The following CARNMT1 variants were observed in gnomAD, a reference collection of about 807,000 sequenced individuals.
The protein encoded by CARNMT1 is carnosine N-methyltransferase 1.
A neutral mutation model predicts 49.6 loss-of-function variants in CARNMT1; 28 were observed. That is an observed-to-expected ratio of 0.56 (90% CI 0.42 to 0.77). The LOEUF is 0.77. CARNMT1 is among the 30% of genes least tolerant of loss of function. The pLI, the probability that CARNMT1 is intolerant of heterozygous loss-of-function variation, is 0.00. For synonymous variants in CARNMT1, 178 were observed against 175.0 expected (o/e 1.02, Z -0.13); for missense variants, 421 against 512.6 (o/e 0.82, Z 1.73).
At chr9:75,026,609 CA>C (rs1822536478) in intron 1 of CARNMT1, among the ~76,000 whole-genome samples, 2 of 152,160 alleles carry the variant, frequency 1.3e-5, no homozygotes, top group African/African-American at 4.8e-5. Flanking sequence ...ATAAAATATC[CA>C]AACTTCTCTT....
At chr9:75,020,459 G>T (rs1481537242) in intron 1 of CARNMT1, among the ~76,000 whole-genome samples, 1 of 151,446 alleles carries the variant, frequency 6.6e-6, no homozygotes, top group Non-Finnish European at 1.5e-5. Flanking sequence ...GTAGAGACGG[G>T]GTTTCACCAT....
intron 3 of CARNMT1, among the ~76,000 whole-genome samples, chr9:75,008,168 TAAAAAAAAAAA>T (rs71368697): frequency 8.2e-5 from 4 of 48,714 alleles, no homozygotes; most frequent in African/African-American, 4.0e-4. Flanking sequence ...GCTGATGAGC[TAAAAAAAAAAA>T]AAAAAAAAAA....
At chr9:75,022,016 A>G (rs575684386) in intron 1 of CARNMT1, among the ~76,000 whole-genome samples, 11 of 152,150 alleles carry the variant, frequency 7.2e-5, no homozygotes, top group African/African-American at 2.2e-4. Context: ...ATAATTGTCT[A>G]TATTTGTGGG....
Position 75,017,437 on chromosome 9 carries a change from T to C in CARNMT1, c.242A>G (p.His81Arg), listed in dbSNP as rs760106785. 15 of 1,613,112 alleles carry C rather than the reference T, an allele frequency of 9.3e-6. No homozygotes were observed. Among genetic ancestry groups the C allele is most frequent in the East Asian group, 4.5e-5 (2 of 44,856 alleles). ...TCTTTCTGTTCGGTTCACCCGCTCA[T>C]GCATACTGGTGCTAAAACATAAAAG... is the stretch of plus-strand genomic sequence containing the variant. ...NAFRYYGTSM[H>R]ERVNRTERQF... The change falls in exon 2 of 8, where the codon CAT (histidine) becomes CGT (arginine). Residue 81 changes from histidine (H) to arginine (R), a missense_variant. Physicochemically the swap from His to Arg is conservative, Grantham distance 29. This residue lies in a region of CARNMT1 where 186 missense variants were observed against 167.9 expected (regional missense o/e 1.11). Coordinates refer to ENST00000376834, the MANE Select transcript of CARNMT1 (RefSeq NM_152420.3).
intron 3 of CARNMT1, among the ~76,000 whole-genome samples, chr9:75,009,060 CTTTTTTTTTTTT>C (rs752851220): frequency 8.0e-6 from 1 of 125,516 alleles, no homozygotes; most frequent in African/African-American, 3.0e-5. Flanking sequence ...AAAGGACAGT[CTTTTTTTTTTTT>C]TTTTTTTTTA....
rs981273214 is a variant in CARNMT1, at chr9:75,024,037, C to T, written c.230+3975G>A. 5.3e-5 allele frequency among the ~76,000 whole-genome samples: 8 copies of T among 152,294 alleles called. No homozygotes were observed. The South Asian group carries it at 1.7e-3, about 32-fold the overall frequency. The stretch of plus-strand genomic sequence containing the variant: ...GTGGTATCTCTACCTCTAACTCTCT[C>T]TAGAAACCTGGTGTCAGCAGTGACC... On this transcript the variant is annotated intron_variant, in intron 1 of 7. Coordinates refer to ENST00000376834, the MANE Select transcript of CARNMT1 (RefSeq NM_152420.3).
intron 6 of CARNMT1, among the ~76,000 whole-genome samples, chr9:74,990,854 T>C (rs905660492): frequency 2.6e-5 from 4 of 152,138 alleles, no homozygotes; most frequent in African/African-American, 7.2e-5. Context: ...TTTAAACCAT[T>C]TACACCTGTA....
chr9:74,987,148 T>C (rs971891971), intron 6 of CARNMT1, among the ~76,000 whole-genome samples: 2 of 152,204 alleles, frequency 1.3e-5, no homozygotes, highest in Non-Finnish European at 1.5e-5. Flanking sequence ...TCACTCACAA[T>C]TGCAATAAGT....
intron 3 of CARNMT1, chr9:75,009,966 T>C (rs1321898641): frequency 6.6e-6 from 1 of 152,116 alleles, no homozygotes; most frequent in Non-Finnish European, 1.5e-5. Context: ...AGGTAGATCA[T>C]GTATACAAAG....
intron 1 of CARNMT1, among the ~76,000 whole-genome samples, chr9:75,024,718 G>A (rs954275327): frequency 2.6e-5 from 4 of 152,030 alleles, no homozygotes; most frequent in African/African-American, 4.8e-5. Flanking sequence ...AATCTCCTAC[G>A]TATTAACTAA....
intron 1 of CARNMT1, among the ~76,000 whole-genome samples, chr9:75,022,474 T>C (rs1221639938): frequency 6.6e-6 from 1 of 152,164 alleles, no homozygotes; most frequent in East Asian, 1.9e-4. Flanking sequence ...TCTGCCAACC[T>C]TGGTCTCCAA....
At chr9:75,010,035 G>C (rs1833638456) in intron 3 of CARNMT1, 2 of 150,080 alleles carry the variant, frequency 1.3e-5, no homozygotes, top group Non-Finnish European at 3.0e-5. Flanking sequence ...GTATATGTAA[G>C]TGCTAGAAAT....
intron 1 of CARNMT1, among the ~76,000 whole-genome samples, chr9:75,020,820 G>A (rs945224374): frequency 6.6e-6 from 1 of 152,138 alleles, no homozygotes; most frequent in South Asian, 2.1e-4. Flanking sequence ...GTTGTCAGAA[G>A]CTCCACTGAC....
intron 3 of CARNMT1, among the ~76,000 whole-genome samples, chr9:75,012,850 G>A (rs1346074489): frequency 2.6e-5 from 4 of 151,462 alleles, no homozygotes; most frequent in South Asian, 2.1e-4. Context: ...CCCGGGAGGC[G>A]GAGGTTGCAG....
rs1268295560 is a variant in CARNMT1 at position 74,983,839 on chromosome 9, A to G, written c.1158T>C (p.Tyr386=). 15 of 1,603,812 alleles carry G rather than the reference A, an allele frequency of 9.4e-6. No homozygotes were observed. Among genetic ancestry groups the G allele is most frequent in the Non-Finnish European group, 1.3e-5 (15 of 1,174,720 alleles). ...EVEKESVLST[Y]TVNDLSMMKY... is the part of the protein sequence containing the mutation. Reference sequence around the variant, plus strand: ...TCATCATAGAGAGATCATTCACAGTATATGTTGACAATACAGATTCTTTTT... The same window carrying G: ...TCATCATAGAGAGATCATTCACAGTGTATGTTGACAATACAGATTCTTTTT... Residue 386 remains tyrosine (Y), a synonymous_variant, in exon 8 of 8, where the codon TAT becomes TAC. Transcript: ENST00000376834.
chr9:75,002,746 C>CT (rs1430838833), intron 3 of CARNMT1, among the ~76,000 whole-genome samples: 4 of 151,754 alleles, frequency 2.6e-5, no homozygotes, highest in Non-Finnish European at 2.9e-5. Flanking sequence ...TATTGAATTT[C>CT]TTTTTTTTAA....
chr9:74,985,116 T>C (rs1000396034), intron 6 of CARNMT1, 106 bp from the exon 7 acceptor site: 5 of 841,150 alleles, frequency 5.9e-6, no homozygotes, highest in Non-Finnish European at 9.3e-6. Context: ...GAGACAAACA[T>C]AAAAAGTCTG....
In CARNMT1 at chr9:74,987,129, T is replaced by G. The variant is rs78999842; in HGVS notation, c.1025-2119A>C. On this transcript the variant is annotated intron_variant, in intron 6 of 7. Coordinates refer to ENST00000376834, the MANE Select transcript of CARNMT1 (RefSeq NM_152420.3). ...TGCCAAAAATGCTTTCCCAAAGAGT[T>G]ATAAGTTTTCACTCACAATTGCAAT... is the stretch of plus-strand genomic sequence containing the variant. Among the ~76,000 whole-genome samples the G allele has an allele frequency of 8.7e-3, 1,330 of 152,300 alleles. 21 individuals carry two copies. The highest frequency in any genetic ancestry group is 0.029 in the African/African-American group (1,217 of 41,544).
At chr9:75,013,845 A>C (rs1028153883) in intron 3 of CARNMT1, among the ~76,000 whole-genome samples, 6 of 151,892 alleles carry the variant, frequency 4.0e-5, no homozygotes, top group Non-Finnish European at 5.9e-5. Context: ...CCTCTACAAA[A>C]AATACTAAAA....
Sources: allele counts gnomAD v4.1 joint callset (sites outside exome capture counted in the v4.1 genomes callset), GRCh38; gene constraint gnomAD v4.1.1; regional missense constraint gnomAD v4.1.1; transcripts MANE v1.5; gene names NCBI Gene and HGNC (gene_info 2026-07-23, HGNC 2026-07-21).